Variants in SGCZ observed in about 807,000 individuals in gnomAD.
SGCZ encodes zeta-sarcoglycan.
A neutral mutation model predicts 41.3 loss-of-function variants in SGCZ; 40 were observed. The observed-to-expected ratio is 0.97, with a 90% CI of 0.75 to 1.26. The LOEUF (loss-of-function observed/expected upper bound fraction) is 1.26, where lower values mean the gene tolerates loss of function less well. Ranked by LOEUF, SGCZ falls within the 50% of genes most tolerant of loss-of-function variation. The pLI is 0.00. For synonymous variants in SGCZ, 206 were observed against 137.5 expected, an observed-to-expected ratio of 1.50 and a Z score of -3.49; for missense variants, 552 against 369.8, an observed-to-expected ratio of 1.49 and a Z score of -4.04.
At chr8:14,112,285 G>T (rs553004973) in intron 5 of SGCZ, among the ~76,000 whole-genome samples, 4,234 of 105,678 alleles carry the variant, frequency 0.04, 106 homozygotes, top group Middle Eastern at 0.11. Context: ...TTTTTTTGTG[G>T]GGGGGGGGTG....
chr8:14,903,247 T>C (rs1433967447), intron 1 of SGCZ, among the ~76,000 whole-genome samples: 1 of 152,126 alleles, frequency 6.6e-6, no homozygotes, highest in East Asian at 1.9e-4. Context: ...TCATGACAAA[T>C]GGCAAATACA....
intron 1 of SGCZ, among the ~76,000 whole-genome samples, chr8:14,893,967 A>G (rs978157296): frequency 1.2e-4 from 18 of 152,180 alleles, no homozygotes; most frequent in African/African-American, 3.4e-4. Flanking sequence ...GCTGTTTGTA[A>G]CACTTTTTAA....
chr8:14,723,797 T>C (rs1363844393), intron 1 of SGCZ, among the ~76,000 whole-genome samples: 1 of 152,096 alleles, frequency 6.6e-6, no homozygotes, highest in African/African-American at 2.4e-5. Context: ...TATTACATAC[T>C]ATATGTATAT....
chr8:14,809,337 A>G (rs995416463), intron 1 of SGCZ, among the ~76,000 whole-genome samples: 1 of 152,188 alleles, frequency 6.6e-6, no homozygotes, highest in African/African-American at 2.4e-5. Context: ...TGCCAGGATC[A>G]TGATGAAATG....
At chr8:15,186,230 C>A (rs534657898) in intron 1 of SGCZ, among the ~76,000 whole-genome samples, 2 of 129,274 alleles carry the variant, frequency 1.5e-5, no homozygotes, top group South Asian at 4.8e-4. Flanking sequence ...CCACTGCACT[C>A]CAGCCTGGGC....
intron 2 of SGCZ, among the ~76,000 whole-genome samples, chr8:14,443,321 A>G (rs1007847937): frequency 6.6e-6 from 1 of 152,202 alleles, no homozygotes; most frequent in Non-Finnish European, 1.5e-5. Flanking sequence ...TTTAAAGTTC[A>G]TATGGAACCA....
At chr8:14,610,475 T>C (rs1805891938) in intron 1 of SGCZ, among the ~76,000 whole-genome samples, 2 of 152,138 alleles carry the variant, frequency 1.3e-5, no homozygotes, top group East Asian at 3.9e-4. Flanking sequence ...CTCAAAAGCA[T>C]GTAGATTCTG....
intron 3 of SGCZ, among the ~76,000 whole-genome samples, chr8:14,246,909 C>CCCCAAAAAAAAAAAAA (rs1799115638): frequency 1.2e-5 from 1 of 84,352 alleles, no homozygotes; most frequent in Admixed American, 1.5e-4. Context: ...GACTCCATCT[C>CCCCAAAAAAAAAAAAA]AAAAAAAAAA....
At chr8:14,262,028 G>C (rs1799685980) in intron 3 of SGCZ, among the ~76,000 whole-genome samples, 1 of 152,104 alleles carries the variant, frequency 6.6e-6, no homozygotes, top group East Asian at 1.9e-4. Flanking sequence ...CGACAAAATA[G>C]GCACTAATCA....
chr8:14,434,488 TC>T (rs1800032044), intron 2 of SGCZ, among the ~76,000 whole-genome samples: 1 of 152,168 alleles, frequency 6.6e-6, no homozygotes, highest in South Asian at 2.1e-4. Context: ...GGATTGCTTT[TC>T]CTAATTGTGT....
intron 1 of SGCZ, among the ~76,000 whole-genome samples, chr8:15,156,057 C>CAAAA (rs67378130): frequency 9.0e-5 from 10 of 110,906 alleles, no homozygotes; most frequent in African/African-American, 3.0e-4. Flanking sequence ...GATTCCCTCT[C>CAAAA]AAAAAAAAAA....
At chr8:14,147,884 A>G (rs1803576239) in intron 5 of SGCZ, among the ~76,000 whole-genome samples, 1 of 152,146 alleles carries the variant, frequency 6.6e-6, no homozygotes. Flanking sequence ...TAAAACTAGA[A>G]ATTAATAATA....
chr8:14,411,721 G>A (rs563862817), intron 2 of SGCZ, among the ~76,000 whole-genome samples: 51 of 152,074 alleles, frequency 3.4e-4, no homozygotes, highest in African/African-American at 1.2e-3. Context: ...TATAATATTA[G>A]TATTCTGTAT....
Position 14,325,170 on chromosome 8 carries a change from G to C in SGCZ, c.235-966C>G, listed in dbSNP as rs117830909. Among the ~76,000 whole-genome samples, 94 of 152,196 alleles carry C rather than the reference G, an allele frequency of 6.2e-4. 1 individual carries two copies. The East Asian group carries it at 0.013, about 20-fold the overall frequency. ...AATGATTGGAGGCAGGCTTCAAGAA[G>C]ATTAATCTGGCAGAAGTACTGTTTA... On this transcript the variant is annotated intron_variant, in intron 2 of 7. Transcript: ENST00000382080.
At chr8:14,960,381 T>C (rs1454874411) in intron 1 of SGCZ, among the ~76,000 whole-genome samples, 4 of 152,086 alleles carry the variant, frequency 2.6e-5, no homozygotes, top group Non-Finnish European at 5.9e-5. Context: ...GGTTTGGGAA[T>C]TGTACCAAAA....
chr8:14,885,008 T>C (rs73666914), intron 1 of SGCZ, among the ~76,000 whole-genome samples: 5,107 of 152,248 alleles, frequency 0.034, 241 homozygotes, highest in African/African-American at 0.1. Flanking sequence ...GCCATGACTT[T>C]TTCCTTGTAT....
intron 3 of SGCZ, among the ~76,000 whole-genome samples, chr8:14,271,509 T>C (rs777587278): frequency 2.0e-5 from 3 of 152,238 alleles, no homozygotes; most frequent in Non-Finnish European, 4.4e-5. Context: ...TATTTAGGAA[T>C]GCTGCTTCAC....
At chr8:14,897,213 C>T (rs368959269) in intron 1 of SGCZ, among the ~76,000 whole-genome samples, 8 of 152,084 alleles carry the variant, frequency 5.3e-5, no homozygotes, top group South Asian at 2.1e-4. Context: ...TAATCTAATG[C>T]CTGTCTCAAA....
chr8:14,857,352 G>C (rs1803577499), intron 1 of SGCZ, among the ~76,000 whole-genome samples: 1 of 152,032 alleles, frequency 6.6e-6, no homozygotes. Flanking sequence ...GAATACACTA[G>C]ATAATGAGAT....
Sources: allele counts gnomAD v4.1 joint callset (sites outside exome capture counted in the v4.1 genomes callset), GRCh38; gene constraint gnomAD v4.1.1; transcripts MANE v1.5; gene names NCBI Gene and HGNC (gene_info 2026-07-23, HGNC 2026-07-21).